The following MEI4 variants were observed in gnomAD, a reference collection of about 807,000 sequenced individuals.
MEI4 encodes meiotic double-stranded break formation protein 4.
In MEI4, 27 loss-of-function variants were observed where a neutral mutation model predicts 31.4. That is an observed-to-expected ratio of 0.86 (90% CI 0.63 to 1.19). MEI4 has a LOEUF of 1.19. MEI4 is among the 50% of genes most tolerant of loss of function. MEI4 has a pLI of 0.00. For missense variants in MEI4, 329 were observed against 398.9 expected (o/e 0.82, Z 1.49); for synonymous variants, 122 against 145.4 (o/e 0.84, Z 1.16).
chr6:77,742,341 T>C (rs974282123), intron 2 of MEI4, among the ~76,000 whole-genome samples: 7 of 152,026 alleles, frequency 4.6e-5, no homozygotes, highest in Non-Finnish European at 7.4e-5. Flanking sequence ...TATCTCATTG[T>C]GGTTTTGATT....
intron 1 of MEI4, among the ~76,000 whole-genome samples, chr6:77,665,862 A>T (rs1768621268): frequency 6.6e-6 from 1 of 152,198 alleles, no homozygotes; most frequent in Non-Finnish European, 1.5e-5. Flanking sequence ...CTGATTTAAA[A>T]TTGGTGAGAT....
chr6:77,701,437 AG>A (rs1766219840), intron 2 of MEI4, among the ~76,000 whole-genome samples: 1 of 152,032 alleles, frequency 6.6e-6, no homozygotes, highest in Admixed American at 6.6e-5. Context: ...CGGGTGGGGC[AG>A]GGGGAATCTG....
intron 4 of MEI4, among the ~76,000 whole-genome samples, chr6:77,917,410 C>G (rs1766586757): frequency 6.6e-6 from 1 of 151,072 alleles, no homozygotes; most frequent in East Asian, 2.0e-4. Flanking sequence ...GTTCCTATTT[C>G]TCCACATCCT....
chr6:77,844,170 G>A (rs913719322), intron 4 of MEI4, among the ~76,000 whole-genome samples: 1 of 152,080 alleles, frequency 6.6e-6, no homozygotes, highest in Non-Finnish European at 1.5e-5. Context: ...TAGGCCTAAT[G>A]TCCCTACTGA....
chr6:77,734,307 G>T lies in MEI4; in HGVS notation c.233-26823G>T, dbSNP rs151102087. ...CAGGGCTTGCTTTATGAATCTGGGT[G>T]CTCCTGTATTGGGATATATATTTAG... On this transcript the variant is annotated intron_variant, in intron 2 of 4. Transcript: ENST00000684080. Among the ~76,000 whole-genome samples the T allele has an allele frequency of 2.9e-4, 44 of 152,100 alleles. No individual in the cohort carries two copies. In the East Asian group the frequency reaches 8.5e-3, roughly 29 times the overall value.
At chr6:77,866,680 C>T (rs1252512521) in intron 4 of MEI4, among the ~76,000 whole-genome samples, 1 of 152,102 alleles carries the variant, frequency 6.6e-6, no homozygotes, top group East Asian at 1.9e-4. Context: ...CAGTGCCATC[C>T]CCATCAAGCT....
chr6:77,880,741 G>A (rs747168171), intron 4 of MEI4, among the ~76,000 whole-genome samples: 6 of 152,076 alleles, frequency 3.9e-5, no homozygotes, highest in Non-Finnish European at 7.4e-5. Flanking sequence ...TGCCTGTGGA[G>A]GAATGTAAAT....
In MEI4 at chr6:77,892,893, C is replaced by T. The variant is rs137891601; in HGVS notation, c.901-30196C>T. On this transcript the variant is annotated intron_variant, in intron 4 of 4. Transcript: ENST00000684080. ...TGGATCTTGGGGCGTGTGTGGGACC[C>T]GTAACAATGGAATTGTGTAGATTCC... Among the ~76,000 whole-genome samples, 212 of 151,986 alleles carry T rather than the reference C, an allele frequency of 1.4e-3. 1 individual carries two copies. Among genetic ancestry groups the T allele is most frequent in the African/African-American group, 4.5e-3 (186 of 41,476 alleles).
At position 77,923,197 on chromosome 6, in the gene MEI4, G is replaced by C. The variant is rs1463509097; in HGVS notation, c.1009G>C (p.Gly337Arg). 1 of 1,230,488 alleles carries C rather than the reference G, an allele frequency of 8.1e-7. No individual in the cohort carries two copies. Among genetic ancestry groups the C allele is most frequent in the Non-Finnish European group, 1.0e-6 (1 of 986,946 alleles). 76.2% of individuals were successfully genotyped at this position (1,230,488 alleles called of 1,614,324 possible). Residue 337 changes from glycine to arginine, a missense_variant, in exon 5 of 5, where the codon GGT becomes CGT. Coordinates refer to ENST00000684080, the MANE Select transcript of MEI4 (RefSeq NM_001322247.2). The part of the protein sequence containing the change: ...ETEEGNTSSI[G>R]HDDQEIKKFL... The stretch of plus-strand genomic sequence containing the variant: ...CGAAGAAGGCAACACTTCAAGTATA[G>C]GTCATGATGACCAAGAAATCAAGAA...
chr6:77,796,476 C>A (rs951329515), intron 3 of MEI4, among the ~76,000 whole-genome samples: 38 of 152,180 alleles, frequency 2.5e-4, no homozygotes, highest in African/African-American at 8.9e-4. Flanking sequence ...AAAATGCCAT[C>A]AAAAAACTGT....
At chr6:77,734,346 G>A (rs1767112607) in intron 2 of MEI4, among the ~76,000 whole-genome samples, 1 of 152,080 alleles carries the variant, frequency 6.6e-6, no homozygotes, top group African/African-American at 2.4e-5. Context: ...ATATATTTAG[G>A]ATAGTTAGCT....
chr6:77,730,761 G>A lies in MEI4; in HGVS notation c.233-30369G>A, dbSNP rs868255938. ...CATCTAGCATTAGGTGTATCTCCCAGTGCTATCCCTCGCCCCTCCCCCCAC... is the reference window on the plus strand; with the variant it reads ...CATCTAGCATTAGGTGTATCTCCCAATGCTATCCCTCGCCCCTCCCCCCAC... On this transcript the variant is annotated intron_variant, in intron 2 of 4. Coordinates refer to ENST00000684080, the MANE Select transcript of MEI4 (RefSeq NM_001322247.2). 1.3e-3 allele frequency among the ~76,000 whole-genome samples: 204 copies of A among 151,534 alleles called. 1 individual carries two copies. Among genetic ancestry groups the A allele is most frequent in the African/African-American group, 4.3e-3 (177 of 41,306 alleles).
chr6:77,895,141 C>T (rs956099920), intron 4 of MEI4, among the ~76,000 whole-genome samples: 8 of 152,092 alleles, frequency 5.3e-5, no homozygotes, highest in African/African-American at 1.7e-4. Flanking sequence ...CATGTCTATA[C>T]GTATCTTCTT....
At chr6:77,779,713 T>G (rs1005249283) in intron 3 of MEI4, among the ~76,000 whole-genome samples, 2 of 152,168 alleles carry the variant, frequency 1.3e-5, no homozygotes, top group Non-Finnish European at 2.9e-5. Context: ...CCCAGTTATC[T>G]CTGTCAAAAT....
chr6:77,772,963 T>TA (rs1379067681), intron 3 of MEI4, among the ~76,000 whole-genome samples: 1 of 145,468 alleles, frequency 6.9e-6, no homozygotes, highest in East Asian at 2.2e-4. Flanking sequence ...GCTACAAATA[T>TA]AATAAAAGAC....
intron 2 of MEI4, among the ~76,000 whole-genome samples, chr6:77,737,936 A>G (rs1262993980): frequency 6.6e-6 from 1 of 152,206 alleles, no homozygotes; most frequent in Non-Finnish European, 1.5e-5. Flanking sequence ...AAGTCAAGTC[A>G]TATTGAGATA....
At chr6:77,855,686 T>C (rs947997760) in intron 4 of MEI4, among the ~76,000 whole-genome samples, 6 of 152,124 alleles carry the variant, frequency 3.9e-5, no homozygotes, top group African/African-American at 1.4e-4. Context: ...AGGAAACACA[T>C]CTGTGTTTAA....
intron 1 of MEI4, among the ~76,000 whole-genome samples, chr6:77,671,051 G>GT (rs1345853480): frequency 1.1e-4 from 15 of 132,720 alleles, no homozygotes; most frequent in East Asian, 4.9e-4. Context: ...TTTGTGAATT[G>GT]TTGTTTTTTT....
chr6:77,914,643 A>C (rs1209276147), intron 4 of MEI4, among the ~76,000 whole-genome samples: 1 of 152,092 alleles, frequency 6.6e-6, no homozygotes, highest in Non-Finnish European at 1.5e-5. Context: ...TTTTCTGTCT[A>C]GATAATCCGT....
Sources: gnomAD v4.1 joint callset for allele counts (sites outside exome capture counted in the v4.1 genomes callset) on GRCh38, gnomAD v4.1.1 for gene constraint, MANE v1.5 for transcripts, NCBI Gene and HGNC (gene_info 2026-07-23, HGNC 2026-07-21) for gene names.